CAMK2B: variants seen among roughly 807,000 people sequenced by gnomAD.
The protein encoded by CAMK2B is calcium/calmodulin-dependent protein kinase type II subunit beta.
Under a neutral mutation model 93.7 loss-of-function variants are expected in CAMK2B, and 27 were observed. The observed-to-expected ratio is 0.29, with a 90% confidence interval of 0.21 to 0.40. CAMK2B has a LOEUF of 0.40. CAMK2B is among the 10% of genes least tolerant of loss of function. The pLI, the probability that CAMK2B is intolerant of heterozygous loss-of-function variation, is 1.00. For synonymous variants in CAMK2B, 374 were observed against 358.8 expected (o/e 1.04, Z -0.48); for missense variants, 568 against 895.8 (o/e 0.63, Z 4.67).
In CAMK2B at chr7:44,248,079, C is replaced by G. The variant is rs2096748260; in HGVS notation, c.342-887G>C. 6.6e-6 allele frequency among the ~76,000 whole-genome samples: 1 copy of G among 152,156 alleles called. No individual in the cohort carries two copies. Among genetic ancestry groups the G allele is most frequent in the Non-Finnish European group, 1.5e-5 (1 of 68,018 alleles). ...CCCAAGCTGCCACATTGGCTGGTGG[C>G]TGCCGTGTTGGGTGGCTCAGTTCCA... On this transcript the variant is annotated intron_variant, in intron 5 of 23. Coordinates refer to ENST00000395749, the MANE Select transcript of CAMK2B (RefSeq NM_001220.5). This position sits in a 1 kb window ranked among gnomAD's most constrained non-coding sequence, Gnocchi z 4.1.
At chr7:44,283,677 G>A (rs181641066) in intron 2 of CAMK2B, among the ~76,000 whole-genome samples, 104 of 152,354 alleles carry the variant, frequency 6.8e-4, no homozygotes, top group Middle Eastern at 3.4e-3. Flanking sequence ...CCGGTCACCT[G>A]AAACTTTGTC....
intron 1 of CAMK2B, among the ~76,000 whole-genome samples, chr7:44,315,709 T>C (rs1794692156): frequency 6.6e-6 from 1 of 152,218 alleles, no homozygotes; most frequent in Non-Finnish European, 1.5e-5. Flanking sequence ...TGGGATGTCT[T>C]TCCATTAATT....
chr7:44,220,493 G>A, intron 22 of CAMK2B, 123 bp downstream of exon 22: 2 of 953,272 alleles, frequency 2.1e-6, no homozygotes, highest in Admixed American at 2.6e-5. Flanking sequence ...GAGGTGGCTG[G>A]CCAACCCTGG....
At position 44,248,058 on chromosome 7, in the gene CAMK2B, A is replaced by G. The variant is rs1271636272; in HGVS notation, c.342-866T>C. On this transcript the variant is annotated intron_variant, in intron 5 of 23. Coordinates refer to ENST00000395749, the MANE Select transcript of CAMK2B (RefSeq NM_001220.5). The surrounding 1 kb of genome is among the most constrained non-coding windows in gnomAD (Gnocchi z 4.1). ...AGAAAAAAATAAAAAGTGAAACCCA[A>G]GCTGCCACATTGGCTGGTGGCTGCC... is the stretch of plus-strand genomic sequence containing the variant. 2.0e-5 allele frequency among the ~76,000 whole-genome samples: 3 copies of G among 152,142 alleles called. No individual in the cohort carries two copies. The highest frequency in any genetic ancestry group is 4.4e-5 in the Non-Finnish European group (3 of 68,016).
intron 2 of CAMK2B, among the ~76,000 whole-genome samples, chr7:44,270,899 A>G (rs1201802185): frequency 6.6e-6 from 1 of 152,186 alleles, no homozygotes; most frequent in East Asian, 1.9e-4. Flanking sequence ...CACAGGCATG[A>G]GAGAACTTTC....
intron 2 of CAMK2B, among the ~76,000 whole-genome samples, chr7:44,283,127 C>T (rs2097115389): frequency 1.3e-5 from 2 of 152,256 alleles, no homozygotes; most frequent in Admixed American, 6.5e-5. Flanking sequence ...TCTGGCACAC[C>T]CCACCTTGGG....
intron 1 of CAMK2B, among the ~76,000 whole-genome samples, chr7:44,289,193 AC>A (rs1479554130): frequency 6.6e-6 from 1 of 151,624 alleles, no homozygotes; most frequent in East Asian, 1.9e-4. Flanking sequence ...GCTCCCACCA[AC>A]CCCCACGGAG....
rs547376841 is a variant in CAMK2B, at chr7:44,230,591, G to A, written c.1225+415C>T. Among the ~76,000 whole-genome samples the A allele has an allele frequency of 6.6e-4, 101 of 152,300 alleles. 1 individual carries two copies. Among genetic ancestry groups the A allele is most frequent in the African/African-American group, 2.2e-3 (90 of 41,564 alleles). On this transcript the variant is annotated intron_variant, in intron 17 of 23. Transcript: ENST00000395749. ...CTCCTGGCTAAGCAAAGGCAAACAC[G>A]GAAACACTCACCCAGCTGCCCGGCC...
intron 23 of CAMK2B, among the ~76,000 whole-genome samples, chr7:44,219,825 G>A (rs986455673): frequency 5.9e-5 from 9 of 152,176 alleles, no homozygotes; most frequent in African/African-American, 1.9e-4. Flanking sequence ...GCTCTGGCCA[G>A]TGTGGACTGC....
At chr7:44,265,625 G>A (rs959410430) in intron 2 of CAMK2B, among the ~76,000 whole-genome samples, 1 of 152,238 alleles carries the variant, frequency 6.6e-6, no homozygotes, top group Admixed American at 6.5e-5. Context: ...ATATGCCTGT[G>A]TTTCATTACT....
chr7:44,239,686 G>T, intron 12 of CAMK2B, 23 bp from the exon 13 acceptor site: 2 of 1,500,188 alleles, frequency 1.3e-6, no homozygotes, highest in Non-Finnish European at 9.1e-7. Context: ...GGTTAGAGAC[G>T]AGGGGAAGGG....
At chr7:44,276,430 C>A (rs540533501) in intron 2 of CAMK2B, among the ~76,000 whole-genome samples, 18 of 152,286 alleles carry the variant, frequency 1.2e-4, no homozygotes, top group African/African-American at 3.4e-4. Context: ...GGCAGCACCC[C>A]CCCGCCACCC....
At chr7:44,259,072 G>A (rs2096857972) in intron 3 of CAMK2B, 146 bp from the exon 4 acceptor site, 1 of 737,312 alleles carries the variant, frequency 1.4e-6, no homozygotes, top group African/African-American at 1.7e-5. Flanking sequence ...GGGTGGGCAG[G>A]CCAGAGGGCA....
chr7:44,258,018 A>G (rs80129495), intron 4 of CAMK2B, among the ~76,000 whole-genome samples: 14,228 of 152,336 alleles, frequency 0.093, 758 homozygotes, highest in Non-Finnish European at 0.11. Context: ...GCTAAGGCCT[A>G]TGGGCCCTTG....
rs1003493286 is a variant in CAMK2B, at chr7:44,225,818, T to G, written c.1597+698A>C. On this transcript the variant is annotated intron_variant, in intron 20 of 23. Transcript: ENST00000395749. This position sits in a 1 kb window ranked among gnomAD's most constrained non-coding sequence, Gnocchi z 5.0. ...GGCCCAGCAGCCTCTTCTCTAAGAG[T>G]ATCTCCACACCACCCCCAGTCTGGT... 9.3e-6 allele frequency: 12 copies of G among 1,288,776 alleles called. No individual in the cohort carries two copies. In the African/African-American group the frequency reaches 1.7e-4, roughly 18 times the overall value. 79.8% of individuals were successfully genotyped at this position (1,288,776 alleles called of 1,614,324 possible).
In CAMK2B at chr7:44,248,344, G is replaced by A. The variant is rs1055210320; in HGVS notation, c.342-1152C>T. Among the ~76,000 whole-genome samples the A allele has an allele frequency of 4.6e-5, 7 of 152,100 alleles. No individual in the cohort carries two copies. The highest frequency in any genetic ancestry group is 1.4e-4 in the African/African-American group (6 of 41,428). On this transcript the variant is annotated intron_variant, in intron 5 of 23. Coordinates refer to ENST00000395749, the MANE Select transcript of CAMK2B (RefSeq NM_001220.5). The surrounding 1 kb of genome is among the most constrained non-coding windows in gnomAD (Gnocchi z 4.1). ...TAGAGCACATCAGACCCAGGGCCAC[G>A]GAGCCCCTGCACACACCGAGAGCCC...
At chr7:44,318,013 G>T (rs1426190638) in intron 1 of CAMK2B, among the ~76,000 whole-genome samples, 1 of 152,072 alleles carries the variant, frequency 6.6e-6, no homozygotes, top group African/African-American at 2.4e-5. Flanking sequence ...ACACTCCTCA[G>T]GGGCTTCCCA....
rs1031006721 is a variant in CAMK2B at position 44,226,567 on chromosome 7, C to T, written c.1546G>A (p.Gly516Arg). 6.8e-7 allele frequency: 1 copy of T among 1,474,612 alleles called. No individual in the cohort carries two copies. The highest frequency in any genetic ancestry group is 8.9e-7 in the Non-Finnish European group (1 of 1,120,894). 91.3% of individuals were successfully genotyped at this position (1,474,612 alleles called of 1,614,324 possible). ...TPEAEGPSPV[G>R]PPPCPSPTIP... is the part of the protein sequence containing the mutation. ...GTCGGAGATGGGCAGGGCGGGGGCC[C>T]CACTGGCGAGGGGCCCTCGGCTTCT... The change falls in exon 20 of 24, where the codon GGG becomes AGG. Residue 516 changes from glycine to arginine, a missense_variant. Physicochemically the swap from Gly to Arg is moderately radical, Grantham distance 125. Transcript: ENST00000395749.
At chr7:44,262,595 A>C (rs1186771330) in intron 3 of CAMK2B, among the ~76,000 whole-genome samples, 1 of 152,238 alleles carries the variant, frequency 6.6e-6, no homozygotes, top group Non-Finnish European at 1.5e-5. Flanking sequence ...TGTTCTCAGC[A>C]GAATGGCGGC....
Sources: gnomAD v4.1 joint callset for allele counts (sites outside exome capture counted in the v4.1 genomes callset) on GRCh38, gnomAD v4.1.1 for gene constraint, Gnocchi (gnomAD v3.1) non-coding constraint, MANE v1.5 for transcripts, NCBI Gene and HGNC (gene_info 2026-07-23, HGNC 2026-07-21) for gene names.